ZBTB16: variants seen among roughly 807,000 people sequenced by gnomAD.
ZBTB16 encodes zinc finger and BTB domain-containing protein 16.
ZBTB16 carries 8 observed loss-of-function variants against 56.8 expected under a neutral mutation model. That is an observed-to-expected ratio of 0.14 (90% confidence interval 0.08 to 0.25). ZBTB16 has a LOEUF of 0.25. ZBTB16 is among the 10% of genes least tolerant of loss of function. ZBTB16 has a pLI of 1.00. For missense variants in ZBTB16, 625 were observed against 903.0 expected, an observed-to-expected ratio of 0.69 and a Z score of 3.95; for synonymous variants, 363 against 368.5, an observed-to-expected ratio of 0.98 and a Z score of 0.17.
chr11:114,065,547 G>A (rs1386596157), intron 2 of ZBTB16, among the ~76,000 whole-genome samples: 1 of 152,184 alleles, frequency 6.6e-6, no homozygotes, highest in Non-Finnish European at 1.5e-5. Context: ...CTCCCGAGTA[G>A]CTCGGATTAC....
intron 6 of ZBTB16, among the ~76,000 whole-genome samples, chr11:114,249,767 G>A (rs1445041137): frequency 3.9e-4 from 4 of 10,250 alleles, no homozygotes; most frequent in South Asian, 6.2e-3. Context: ...GCGAGACTCC[G>A]TCTCAAAAAA....
chr11:114,073,672 G>C lies in ZBTB16; in HGVS notation c.1268+9104G>C, dbSNP rs150201288. ...ACAGATTGTGTTCAGCATTGCAGTAGAAAGGGTCCAAGTTAGGTAAGAGAA... is the reference window on the plus strand; with the variant it reads ...ACAGATTGTGTTCAGCATTGCAGTACAAAGGGTCCAAGTTAGGTAAGAGAA... On this transcript the variant is annotated intron_variant, in intron 2 of 6. Coordinates refer to ENST00000335953, the MANE Select transcript of ZBTB16 (RefSeq NM_006006.6). 1.0e-3 allele frequency among the ~76,000 whole-genome samples: 156 copies of C among 152,340 alleles called. 1 individual carries two copies. Among genetic ancestry groups the C allele is most frequent in the African/African-American group, 3.6e-3 (148 of 41,582 alleles).
intron 4 of ZBTB16, among the ~76,000 whole-genome samples, chr11:114,199,904 G>A (rs1026812833): frequency 4.6e-5 from 7 of 152,054 alleles, no homozygotes; most frequent in Non-Finnish European, 1.0e-4. Flanking sequence ...CGAGGTGGGC[G>A]GATCATGAGG....
intron 4 of ZBTB16, among the ~76,000 whole-genome samples, chr11:114,224,331 A>G (rs1395934208): frequency 6.6e-6 from 1 of 152,238 alleles, no homozygotes; most frequent in Non-Finnish European, 1.5e-5. Context: ...AATCTAGGAT[A>G]ATGCCCACTT....
intron 4 of ZBTB16, among the ~76,000 whole-genome samples, chr11:114,238,515 G>C (rs557245598): frequency 6.6e-6 from 1 of 151,874 alleles, no homozygotes; most frequent in East Asian, 1.9e-4. Flanking sequence ...TAGCTCTCTG[G>C]GCCCTCTTTT....
chr11:114,112,923 C>T (rs1941065383), intron 2 of ZBTB16, among the ~76,000 whole-genome samples: 1 of 152,018 alleles, frequency 6.6e-6, no homozygotes, highest in African/African-American at 2.4e-5. Flanking sequence ...CACTACCATA[C>T]CTAGGTTTTT....
At chr11:114,228,635 A>G (rs1323357270) in intron 4 of ZBTB16, among the ~76,000 whole-genome samples, 1 of 152,096 alleles carries the variant, frequency 6.6e-6, no homozygotes. Flanking sequence ...GAGCGTGTTG[A>G]TACGTAGGAT....
At chr11:114,235,682 C>CTTTCTTTCTTTCTTTCTTTCTTTCTTTCT (rs1341487494) in intron 4 of ZBTB16, among the ~76,000 whole-genome samples, 2 of 36,124 alleles carry the variant, frequency 5.5e-5, no homozygotes, top group African/African-American at 1.5e-4. Context: ...TTCTTTCTTT[C>CTTTCTTTCTTTCTTTCTTTCTTTCTTTCT]TTTCTTTCTT....
intron 4 of ZBTB16, among the ~76,000 whole-genome samples, chr11:114,241,354 C>G (rs913065370): frequency 6.6e-6 from 1 of 152,150 alleles, no homozygotes; most frequent in Non-Finnish European, 1.5e-5. Flanking sequence ...CCCCAACCCC[C>G]GGGCCATGGT....
chr11:114,232,986 C>G (rs1944471915), intron 4 of ZBTB16, among the ~76,000 whole-genome samples: 1 of 151,890 alleles, frequency 6.6e-6, no homozygotes, highest in Admixed American at 6.6e-5. Flanking sequence ...AAGTTACAGA[C>G]CAGAGGGCTG....
intron 3 of ZBTB16, among the ~76,000 whole-genome samples, chr11:114,168,460 G>A (rs1184192072): frequency 6.6e-6 from 1 of 152,214 alleles, no homozygotes; most frequent in Non-Finnish European, 1.5e-5. Flanking sequence ...GAAACTTGCT[G>A]TGTTCCAGGC....
intron 6 of ZBTB16, 66 bp downstream of exon 6, chr11:114,247,431 T>G (rs1944837138): frequency 1.9e-6 from 3 of 1,605,078 alleles, no homozygotes; most frequent in Non-Finnish European, 2.6e-6. Flanking sequence ...AAGCAGATAG[T>G]CTCCTAGAGA....
At chr11:114,138,397 A>C (rs115734286) in intron 2 of ZBTB16, among the ~76,000 whole-genome samples, 1,815 of 152,288 alleles carry the variant, frequency 0.012, 44 homozygotes, top group African/African-American at 0.041. Context: ...GGTTGCCTGG[A>C]GCCTACATTC....
intron 2 of ZBTB16, among the ~76,000 whole-genome samples, chr11:114,140,655 A>G (rs956782054): frequency 2.0e-5 from 3 of 152,200 alleles, no homozygotes; most frequent in African/African-American, 7.2e-5. Flanking sequence ...CAGAAGCAAC[A>G]GCTCTTTTGA....
rs781040508 is a variant in ZBTB16 at position 114,254,592 on chromosome 11, G to A, written c.*4037G>A. On this transcript the variant is annotated 3_prime_UTR_variant, in exon 7 of 7. Coordinates refer to ENST00000335953, the MANE Select transcript of ZBTB16 (RefSeq NM_006006.6). The stretch of plus-strand genomic sequence containing the variant: ...AGGGTAGTTTCTGGGCCTGCTTCCC[G>A]GCAAGCCGAGCTAGGGTGAAAACTG... Among the ~76,000 whole-genome samples the A allele has an allele frequency of 2.0e-5, 3 of 152,120 alleles. No individual in the cohort carries two copies. Among genetic ancestry groups the A allele is most frequent in the Non-Finnish European group, 2.9e-5 (2 of 68,030 alleles).
At chr11:114,146,531 G>T (rs1053543790) in intron 2 of ZBTB16, among the ~76,000 whole-genome samples, 29 of 152,212 alleles carry the variant, frequency 1.9e-4, no homozygotes, top group African/African-American at 7.0e-4. Context: ...ATCTATAAAT[G>T]CATTACCTTC....
chr11:114,146,143 C>G (rs1272260902), intron 2 of ZBTB16, among the ~76,000 whole-genome samples: 1 of 152,146 alleles, frequency 6.6e-6, no homozygotes, highest in Non-Finnish European at 1.5e-5. Flanking sequence ...CTTGCCTTCC[C>G]TGTAGAAGGT....
intron 5 of ZBTB16, 39 bp downstream of exon 5, chr11:114,242,376 G>C (rs1944726657): frequency 6.2e-7 from 1 of 1,608,774 alleles, no homozygotes; most frequent in South Asian, 1.1e-5. Context: ...TGGGTCTCTG[G>C]GAGCCAGCGT....
At chr11:114,074,976 A>G (rs1305945296) in intron 2 of ZBTB16, among the ~76,000 whole-genome samples, 1 of 152,178 alleles carries the variant, frequency 6.6e-6, no homozygotes, top group Non-Finnish European at 1.5e-5. Flanking sequence ...ACGGCTGTGC[A>G]GTGACAGAGC....
Sources: allele counts gnomAD v4.1 joint callset (sites outside exome capture counted in the v4.1 genomes callset), GRCh38; gene constraint gnomAD v4.1.1; transcripts MANE v1.5; gene names NCBI Gene and HGNC (gene_info 2026-07-23, HGNC 2026-07-21).